C2CD5: variants seen among roughly 807,000 people sequenced by gnomAD.
The protein encoded by C2CD5 is C2 calcium dependent domain containing 5, also known as C2 domain-containing protein 5.
C2CD5 carries 109 observed loss-of-function variants against 130.3 expected under a neutral mutation model. The observed-to-expected ratio is 0.84, with a 90% CI of 0.72 to 0.98. C2CD5 has a LOEUF of 0.98. Among genes scored for constraint, C2CD5 ranks in the 50% least tolerant of loss-of-function variants. C2CD5 has a pLI of 0.00. For missense variants in C2CD5, 996 were observed against 1,261.8 expected (o/e 0.79, Z 3.19); for synonymous variants, 454 against 429.2 (o/e 1.06, Z -0.71).
At chr12:22,535,777 A>C (rs987526518) in intron 2 of C2CD5, among the ~76,000 whole-genome samples, 1 of 152,222 alleles carries the variant, frequency 6.6e-6, no homozygotes. Flanking sequence ...TCAGGCTGGC[A>C]AAGACCAAAA....
At chr12:22,488,490 G>A (rs1333232644) in intron 12 of C2CD5, among the ~76,000 whole-genome samples, 3 of 150,532 alleles carry the variant, frequency 2.0e-5, no homozygotes, top group Non-Finnish European at 4.4e-5. Context: ...CTATATAAGA[G>A]AATTTATTGT....
Position 22,537,375 on chromosome 12 carries a change from G to C in C2CD5, c.91-2031C>G, listed in dbSNP as rs371777943. On this transcript the variant is annotated intron_variant, in intron 2 of 26. Transcript: ENST00000446597. ...CTGCTGCATTCAGGCCTGGGCAACA[G>C]AGCAAGACCCAGTCTTTCAAACAAG... Among the ~76,000 whole-genome samples the C allele has an allele frequency of 1.9e-4, 29 of 152,282 alleles. 2 individuals carry two copies. The highest frequency in any genetic ancestry group is 7.0e-4 in the African/African-American group (29 of 41,556).
rs1938059183 is a variant in C2CD5 at position 22,449,514 on chromosome 12, G to A, written c.*246C>T. On this transcript the variant is annotated 3_prime_UTR_variant, in exon 27 of 27. Transcript: ENST00000446597. ...ATTACAAAGGTTCCATCTTTGCTAC[G>A]GTTCTTTTAAAAATTTATCTTAACT... 3 of 323,200 alleles carry A rather than the reference G, an allele frequency of 9.3e-6. No homozygotes were observed. The highest frequency in any genetic ancestry group is 1.4e-4 in the South Asian group (1 of 7,166). The allele number at this position is 323,200 out of a possible 1,614,324, so 20.0% of individuals were successfully genotyped here.
At chr12:22,513,041 G>A (rs1020246864) in intron 9 of C2CD5, among the ~76,000 whole-genome samples, 1 of 151,570 alleles carries the variant, frequency 6.6e-6, no homozygotes, top group Admixed American at 6.6e-5. Flanking sequence ...GCATTCAATA[G>A]GTATTATCAA....
chr12:22,485,028 A>T, intron 12 of C2CD5, 140 bp from the exon 13 acceptor site: 1 of 422,294 alleles, frequency 2.4e-6, no homozygotes. Flanking sequence ...CAAAAGTACC[A>T]CTAAGGCTGA....
intron 22 of C2CD5, among the ~76,000 whole-genome samples, chr12:22,465,285 TAC>T (rs759215840): frequency 1.5e-4 from 23 of 152,150 alleles, no homozygotes; most frequent in Non-Finnish European, 3.1e-4. Context: ...GAGTCTTCTA[TAC>T]AGTTTCACTC....
At position 22,513,391 on chromosome 12, in the gene C2CD5, C is replaced by G. The variant is rs770649656; in HGVS notation, c.953-12G>C. 3.2e-6 allele frequency: 5 copies of G among 1,573,734 alleles called. No homozygotes were observed. Among genetic ancestry groups the G allele is most frequent in the Non-Finnish European group, 4.4e-6 (5 of 1,143,458 alleles). On this transcript the variant is annotated splice_polypyrimidine_tract_variant and intron_variant, in intron 8 of 26. Transcript: ENST00000446597. ...ACCACTTCCCATTCCTACAGAACATCAGTACATAAATAACAACCAAAAAAG... is the reference window on the plus strand; with the variant it reads ...ACCACTTCCCATTCCTACAGAACATGAGTACATAAATAACAACCAAAAAAG...
At chr12:22,456,842 A>C (rs1939968073) in intron 25 of C2CD5, 129 bp downstream of exon 25, 2 of 569,072 alleles carry the variant, frequency 3.5e-6, no homozygotes, top group African/African-American at 2.0e-5. Flanking sequence ...TCTAGACTCA[A>C]TCCAGATAAT....
intron 10 of C2CD5, chr12:22,502,744 T>C (rs1297757887): frequency 5.3e-6 from 8 of 1,521,790 alleles, no homozygotes; most frequent in Admixed American, 2.0e-5. Context: ...AATACCTGAA[T>C]TGAAACTATT....
chr12:22,469,642 A>T, intron 22 of C2CD5, 67 bp downstream of exon 22: 1 of 865,634 alleles, frequency 1.2e-6, no homozygotes, highest in Non-Finnish European at 1.8e-6. Flanking sequence ...GATTTCCTAT[A>T]ATGAAGAAGC....
chr12:22,489,094 T>C (rs1946000738), intron 12 of C2CD5, among the ~76,000 whole-genome samples: 1 of 151,858 alleles, frequency 6.6e-6, no homozygotes, highest in Non-Finnish European at 1.5e-5. Context: ...CAGGCTGGTC[T>C]CAAACTCCTG....
chr12:22,504,045 C>A (rs889651856), intron 10 of C2CD5, among the ~76,000 whole-genome samples: 7 of 152,020 alleles, frequency 4.6e-5, no homozygotes, highest in Non-Finnish European at 8.8e-5. Flanking sequence ...CTGGTAGTTA[C>A]AATACACAAA....
chr12:22,528,224 A>G (rs957327630), intron 3 of C2CD5, among the ~76,000 whole-genome samples: 1 of 152,204 alleles, frequency 6.6e-6, no homozygotes, highest in Non-Finnish European at 1.5e-5. Context: ...AAGGAATGTC[A>G]TATTAGAGTT....
intron 15 of C2CD5, among the ~76,000 whole-genome samples, chr12:22,475,136 T>G (rs757231794): frequency 1.3e-5 from 2 of 152,114 alleles, no homozygotes; most frequent in Non-Finnish European, 2.9e-5. Flanking sequence ...TGACATCTAG[T>G]GTACACACAG....
chr12:22,536,904 A>C (rs1402657492), intron 2 of C2CD5, among the ~76,000 whole-genome samples: 2 of 152,204 alleles, frequency 1.3e-5, no homozygotes, highest in Admixed American at 1.3e-4. Flanking sequence ...GGAAGAATAG[A>C]GGTTCTTGTT....
In C2CD5 at chr12:22,453,939, A is replaced by G; in HGVS notation, c.2981T>C (p.Ile994Thr). The G allele has an allele frequency of 6.2e-7, 1 of 1,613,630 alleles. No homozygotes were observed. The highest frequency in any genetic ancestry group is 8.5e-7 in the Non-Finnish European group (1 of 1,179,640). The change falls in exon 26 of 27, where the codon ATA becomes ACA. Residue 994 changes from isoleucine to threonine, a missense_variant. By Grantham distance (89) the Ile-to-Thr change is moderately conservative (BLOSUM62 -1). Coordinates refer to ENST00000446597, the MANE Select transcript of C2CD5 (RefSeq NM_001286176.2). ...CTCCATGAAGACACACTGCTTCATT[A>G]TGTAGGAGACAACAGCATTCCCTCC... is the stretch of plus-strand genomic sequence containing the variant. ...ALGGNAVVSY[I>T]MKQCVFMENP...
intron 10 of C2CD5, among the ~76,000 whole-genome samples, chr12:22,493,734 A>G (rs1314714179): frequency 1.3e-5 from 2 of 152,046 alleles, no homozygotes; most frequent in Non-Finnish European, 2.9e-5. Context: ...TTTAACTTTA[A>G]TTCTGATTTC....
chr12:22,540,313 A>C (rs760564358), intron 2 of C2CD5, among the ~76,000 whole-genome samples: 1 of 152,194 alleles, frequency 6.6e-6, no homozygotes, highest in Non-Finnish European at 1.5e-5. Context: ...ATTCTTAAGT[A>C]ATTTTTGGTA....
chr12:22,538,342 C>T (rs754564796), intron 2 of C2CD5, among the ~76,000 whole-genome samples: 51 of 152,138 alleles, frequency 3.4e-4, no homozygotes, highest in Non-Finnish European at 6.2e-4. Flanking sequence ...CATGTCTTTA[C>T]ATTCACTCAT....
Sources: gnomAD v4.1 joint callset for allele counts (sites outside exome capture counted in the v4.1 genomes callset) on GRCh38, gnomAD v4.1.1 for gene constraint, MANE v1.5 for transcripts, NCBI Gene and HGNC (gene_info 2026-07-23, HGNC 2026-07-21) for gene names.